The following NRG3 variants were observed in gnomAD, a reference collection of about 807,000 sequenced individuals.
NRG3 encodes the protein pro-neuregulin-3, membrane-bound isoform.
Under a neutral mutation model 66.9 loss-of-function variants are expected in NRG3, and 31 were observed. The observed-to-expected ratio is 0.46, with a 90% CI of 0.35 to 0.63. The LOEUF (loss-of-function observed/expected upper bound fraction) is 0.63, where lower values mean the gene tolerates loss of function less well. Among genes scored for constraint, NRG3 ranks in the 20% least tolerant of loss-of-function variants. The probability of loss-of-function intolerance (pLI) is 0.00; values close to 1 mark genes in which losing one functional copy is unlikely to be tolerated. For missense variants in NRG3, 910 were observed against 878.9 expected, an observed-to-expected ratio of 1.04 and a Z score of -0.45; for synonymous variants, 393 against 359.4, an observed-to-expected ratio of 1.09 and a Z score of -1.06.
chr10:82,842,851 G>C (rs1220181397), intron 3 of NRG3, among the ~76,000 whole-genome samples: 1 of 152,198 alleles, frequency 6.6e-6, no homozygotes, highest in Non-Finnish European at 1.5e-5. Flanking sequence ...CTGTGGCGTA[G>C]CTGGGACTAC....
In NRG3 at chr10:81,904,003, TTTTTTG is replaced by T. The variant is rs1564645506; in HGVS notation, c.823+27844_823+27849del. Reference sequence around the variant, plus strand: ...ATATATATATATATATATATTTTTTTTTTTTGTTTGTTTGTTTGTTTTGGAGACGAA... The same window carrying T: ...ATATATATATATATATATATTTTTTTTTTGTTTGTTTGTTTTGGAGACGAA... On this transcript the variant is annotated intron_variant, in intron 1 of 8. Coordinates refer to ENST00000372141, the MANE Select transcript of NRG3 (RefSeq NM_001010848.4). Among the ~76,000 whole-genome samples, 8 of 148,098 alleles carry T rather than the reference TTTTTTG, an allele frequency of 5.4e-5. No homozygotes were observed. In the East Asian group the frequency reaches 1.4e-3, roughly 26 times the overall value.
At chr10:82,882,392 A>C (rs1842379873) in intron 4 of NRG3, among the ~76,000 whole-genome samples, 1 of 152,204 alleles carries the variant, frequency 6.6e-6, no homozygotes, top group Non-Finnish European at 1.5e-5. Context: ...CTTTGGCAAC[A>C]TGAGTAGAGT....
At chr10:82,977,535 G>A (rs1451541361) in intron 7 of NRG3, among the ~76,000 whole-genome samples, 4 of 151,390 alleles carry the variant, frequency 2.6e-5, no homozygotes, top group Admixed American at 2.6e-4. Flanking sequence ...CTTGAACCTG[G>A]GAGGTAGAGG....
At chr10:82,394,773 T>C (rs2086611500) in intron 2 of NRG3, among the ~76,000 whole-genome samples, 1 of 152,224 alleles carries the variant, frequency 6.6e-6, no homozygotes, top group African/African-American at 2.4e-5. Flanking sequence ...ATTTTGACTC[T>C]CCACAGTAGC....
At chr10:81,925,798 A>G (rs1846723399) in intron 1 of NRG3, among the ~76,000 whole-genome samples, 1 of 151,732 alleles carries the variant, frequency 6.6e-6, no homozygotes, top group Non-Finnish European at 1.5e-5. Flanking sequence ...CCTCTGTTTT[A>G]TGTTTTATTG....
chr10:82,061,755 C>T (rs1193195560), intron 1 of NRG3, among the ~76,000 whole-genome samples: 1 of 151,944 alleles, frequency 6.6e-6, no homozygotes, highest in East Asian at 1.9e-4. Flanking sequence ...TAAGCCTTCT[C>T]TCCATAACTG....
chr10:82,166,907 G>A, intron 1 of NRG3: 1 of 534,078 alleles, frequency 1.9e-6, no homozygotes, highest in East Asian at 3.2e-5. Context: ...TCCCTCCTTG[G>A]TATTTTAAAG....
At chr10:82,642,256 T>A (rs531375139) in intron 2 of NRG3, among the ~76,000 whole-genome samples, 1 of 132,876 alleles carries the variant, frequency 7.5e-6, no homozygotes, top group Non-Finnish European at 1.7e-5. Flanking sequence ...AGTAACCAAA[T>A]AGTAGATGGA....
intron 1 of NRG3, among the ~76,000 whole-genome samples, chr10:82,178,814 C>CT (rs765631134): frequency 8.5e-5 from 13 of 152,170 alleles, no homozygotes; most frequent in Middle Eastern, 3.4e-3. Flanking sequence ...TCCATAGCAT[C>CT]TGCACCATTT....
intron 1 of NRG3, among the ~76,000 whole-genome samples, chr10:82,323,084 G>A (rs1475084264): frequency 6.6e-6 from 1 of 152,114 alleles, no homozygotes; most frequent in East Asian, 1.9e-4. Context: ...AATTACTGTG[G>A]GAAGTATTTC....
chr10:82,710,752 G>A (rs764051770), intron 2 of NRG3, among the ~76,000 whole-genome samples: 3 of 150,114 alleles, frequency 2.0e-5, no homozygotes, highest in Non-Finnish European at 4.4e-5. Flanking sequence ...TGGGTCATTT[G>A]TGTTTCTTCC....
intron 4 of NRG3, among the ~76,000 whole-genome samples, chr10:82,874,614 TG>T (rs565862136): frequency 3.0e-4 from 45 of 152,166 alleles, no homozygotes; most frequent in Admixed American, 2.8e-3. Context: ...TCAGATATAG[TG>T]GAAAAACAAA....
At chr10:82,077,688 A>G (rs1413567861) in intron 1 of NRG3, among the ~76,000 whole-genome samples, 1 of 152,180 alleles carries the variant, frequency 6.6e-6, no homozygotes, top group Non-Finnish European at 1.5e-5. Flanking sequence ...AATCTCATAC[A>G]CGTCTTTCTA....
At chr10:82,793,142 T>G (rs2060658730) in intron 3 of NRG3, among the ~76,000 whole-genome samples, 1 of 152,176 alleles carries the variant, frequency 6.6e-6, no homozygotes, top group South Asian at 2.1e-4. Context: ...TTTAAAATGT[T>G]GATCATTCCA....
intron 1 of NRG3, among the ~76,000 whole-genome samples, chr10:82,127,760 C>G (rs1349484017): frequency 1.3e-5 from 2 of 151,942 alleles, no homozygotes; most frequent in Non-Finnish European, 2.9e-5. Context: ...ACACTCTCAG[C>G]ACAGCCACTG....
intron 1 of NRG3, among the ~76,000 whole-genome samples, chr10:82,019,150 T>C (rs2061934632): frequency 6.6e-6 from 1 of 152,224 alleles, no homozygotes; most frequent in African/African-American, 2.4e-5. Context: ...CATGAAGGGC[T>C]GTTGAATTTT....
intron 1 of NRG3, among the ~76,000 whole-genome samples, chr10:82,115,906 T>C (rs2067682041): frequency 6.6e-6 from 1 of 152,088 alleles, no homozygotes; most frequent in South Asian, 2.1e-4. Context: ...CCTACATGGA[T>C]GGAGACTCAC....
chr10:82,682,946 A>ATTTTTTTTTTTTTTT (rs71009814), intron 2 of NRG3, among the ~76,000 whole-genome samples: 1 of 65,334 alleles, frequency 1.5e-5, no homozygotes, highest in African/African-American at 6.4e-5. Context: ...CCATGTCTTA[A>ATTTTTTTTTTTTTTT]TTTTTTTTTT....
At chr10:82,551,356 T>C (rs1479925654) in intron 2 of NRG3, among the ~76,000 whole-genome samples, 1 of 152,152 alleles carries the variant, frequency 6.6e-6, no homozygotes, top group Non-Finnish European at 1.5e-5. Context: ...ACATTTATGG[T>C]TAAGAAGTAG....
Sources: gnomAD v4.1 joint callset for allele counts (sites outside exome capture counted in the v4.1 genomes callset) on GRCh38, gnomAD v4.1.1 for gene constraint, MANE v1.5 for transcripts, NCBI Gene and HGNC (gene_info 2026-07-23, HGNC 2026-07-21) for gene names.